Variants in ABL2 observed in about 807,000 individuals in gnomAD.
ABL2 encodes tyrosine-protein kinase ABL2.
Under a neutral mutation model 107.7 loss-of-function variants are expected in ABL2, and 49 were observed. That is an observed-to-expected ratio of 0.45 (90% CI 0.36 to 0.58). The LOEUF (loss-of-function observed/expected upper bound fraction) is 0.58. Among genes scored for constraint, ABL2 ranks in the 20% least tolerant of loss-of-function variants. The probability of loss-of-function intolerance (pLI) is 0.00; values close to 1 mark genes in which losing one functional copy is unlikely to be tolerated. For synonymous variants in ABL2, 549 were observed against 548.6 expected (o/e 1.00, Z -0.01); for missense variants, 1,245 against 1,457.0 (o/e 0.85, Z 2.37).
At chr1:179,131,723 C>T (rs574417584) in intron 2 of ABL2, among the ~76,000 whole-genome samples, 32 of 152,142 alleles carry the variant, frequency 2.1e-4, no homozygotes, top group Non-Finnish European at 4.1e-4. Flanking sequence ...AGAGTTTAGC[C>T]GTGATTTATA....
intron 1 of ABL2, among the ~76,000 whole-genome samples, chr1:179,147,553 T>C (rs1241140814): frequency 6.6e-6 from 1 of 152,226 alleles, no homozygotes; most frequent in Non-Finnish European, 1.5e-5. Flanking sequence ...AATAAAATCA[T>C]GTATTTTGCA....
rs956946167 is a variant in ABL2, at chr1:179,113,792, G to A, written c.1561+1086C>T. Among the ~76,000 whole-genome samples the A allele has an allele frequency of 5.3e-5, 8 of 152,282 alleles. No homozygotes were observed. The East Asian group carries it at 5.8e-4, about 11-fold the overall frequency. On this transcript the variant is annotated intron_variant, in intron 9 of 11. Transcript: ENST00000502732. ...AAAATGCAAAAAAAATTAGCCGGGCGTGGTGGCGGCCGGCGCCTATAGTCC... is the reference window on the plus strand; with the variant it reads ...AAAATGCAAAAAAAATTAGCCGGGCATGGTGGCGGCCGGCGCCTATAGTCC...
intron 1 of ABL2, among the ~76,000 whole-genome samples, chr1:179,135,147 G>T (rs1248866780): frequency 6.6e-6 from 1 of 152,058 alleles, no homozygotes; most frequent in South Asian, 2.1e-4. Context: ...CTGCCCGGCC[G>T]CCACCCCGTC....
chr1:179,120,318 A>C lies in ABL2; in HGVS notation c.961-44T>G, dbSNP rs375834098. 14 of 1,243,130 alleles carry C rather than the reference A, an allele frequency of 1.1e-5. No homozygotes were observed. In the African/African-American group the frequency reaches 2.0e-4, roughly 17 times the overall value. 77.0% of individuals were successfully genotyped at this position (1,243,130 alleles called of 1,614,324 possible). A position where few individuals can be genotyped will look rare whatever the true frequency, so the allele number is the denominator to read the frequency against. On this transcript the variant is annotated intron_variant, in intron 5 of 11. Transcript: ENST00000502732. ...AAGAAAGAAGAAAACGAGAGGGACA[A>C]ACCCTCAACTTAAAATCATTTCATT...
At chr1:179,214,844 T>G (rs1222961737) in intron 1 of ABL2, among the ~76,000 whole-genome samples, 1 of 151,952 alleles carries the variant, frequency 6.6e-6, no homozygotes, top group Non-Finnish European at 1.5e-5. Flanking sequence ...TAGAAAGACC[T>G]TCCAGATAAA....
At chr1:179,121,454 G>A (rs1655188532) in intron 5 of ABL2, 141 bp downstream of exon 5, 11 of 1,122,298 alleles carry the variant, frequency 9.8e-6, no homozygotes, top group Middle Eastern at 2.0e-4. Context: ...TGGCACTAGG[G>A]TTAATCATCT....
chr1:179,109,479 G>T, intron 11 of ABL2, 38 bp from the exon 12 acceptor site: 1 of 1,566,966 alleles, frequency 6.4e-7, no homozygotes, highest in South Asian at 1.2e-5. Context: ...TAAAAGACAA[G>T]AAGTGAATCT....
intron 1 of ABL2, among the ~76,000 whole-genome samples, chr1:179,159,220 C>T (rs151030951): frequency 1.3e-5 from 2 of 152,288 alleles, no homozygotes; most frequent in Non-Finnish European, 2.9e-5. Context: ...GCTGTAAGTA[C>T]AGATAACCTC....
intron 1 of ABL2, among the ~76,000 whole-genome samples, chr1:179,225,620 A>G (rs1190673601): frequency 6.6e-6 from 1 of 152,224 alleles, no homozygotes; most frequent in Non-Finnish European, 1.5e-5. Flanking sequence ...GTAAGGGGCA[A>G]AAAGAAGGTG....
intron 1 of ABL2, among the ~76,000 whole-genome samples, chr1:179,169,633 G>A (rs1659602351): frequency 6.6e-6 from 1 of 151,822 alleles, no homozygotes; most frequent in African/African-American, 2.4e-5. Context: ...AATAACCTGA[G>A]GTAGTTCTTG....
At chr1:179,188,867 A>G (rs974299231) in intron 1 of ABL2, among the ~76,000 whole-genome samples, 2 of 152,242 alleles carry the variant, frequency 1.3e-5, no homozygotes, top group Admixed American at 6.5e-5. Context: ...TGTTAAAAGT[A>G]TATTTAAACT....
intron 1 of ABL2, among the ~76,000 whole-genome samples, chr1:179,191,458 T>C (rs1253106212): frequency 6.8e-6 from 1 of 148,136 alleles, no homozygotes; most frequent in Non-Finnish European, 1.5e-5. Context: ...TTCGCTCTTA[T>C]TGCCCAGGCT....
In ABL2 at chr1:179,101,723, G is replaced by C. The variant is rs564406358; in HGVS notation, c.*5995C>G. On this transcript the variant is annotated 3_prime_UTR_variant, in exon 12 of 12. Coordinates refer to ENST00000502732, the MANE Select transcript of ABL2 (RefSeq NM_007314.4). Reference sequence around the variant, plus strand: ...GATAGAATACATACCTCAGAGAGGTGGCATGAAAAGCAGAAATTCATCCGT... The same window carrying C: ...GATAGAATACATACCTCAGAGAGGTCGCATGAAAAGCAGAAATTCATCCGT... 1.7e-4 allele frequency: 32 copies of C among 184,052 alleles called. No homozygotes were observed. Among genetic ancestry groups the C allele is most frequent in the Middle Eastern group, 2.0e-3 (1 of 504 alleles). 11.4% of individuals were successfully genotyped at this position (184,052 alleles called of 1,614,324 possible).
At position 179,106,297 on chromosome 1, in the gene ABL2, G is replaced by A. The variant is rs975509060; in HGVS notation, c.*1421C>T. ...GCTTCCACAATTATAACTAAGGAAG[G>A]AAGGAAAAGGCCTATTTTTCAAGGG... On this transcript the variant is annotated 3_prime_UTR_variant, in exon 12 of 12. Transcript: ENST00000502732. 4.4e-6 allele frequency: 1 copy of A among 229,102 alleles called. No homozygotes were observed. The highest frequency in any genetic ancestry group is 8.7e-6 in the Non-Finnish European group (1 of 115,586). 14.2% of individuals were successfully genotyped at this position (229,102 alleles called of 1,614,324 possible).
At chr1:179,116,772 A>C (rs189191723) in intron 8 of ABL2, 1 of 153,718 alleles carries the variant, frequency 6.5e-6, no homozygotes, top group Non-Finnish European at 1.4e-5. Context: ...GGCCTCCCAA[A>C]GTGCTGGGAT....
intron 1 of ABL2, among the ~76,000 whole-genome samples, chr1:179,181,585 CTA>C (rs2102798767): frequency 6.6e-6 from 1 of 152,170 alleles, no homozygotes; most frequent in East Asian, 1.9e-4. Context: ...AAGCAAAGAG[CTA>C]AATGTAACCC....
chr1:179,211,476 C>T (rs1400256238), intron 1 of ABL2, among the ~76,000 whole-genome samples: 1 of 151,848 alleles, frequency 6.6e-6, no homozygotes, highest in African/African-American at 2.4e-5. Flanking sequence ...GAGCCTGTAC[C>T]ACCGCACTTC....
intron 1 of ABL2, among the ~76,000 whole-genome samples, chr1:179,138,543 A>G (rs1657255392): frequency 6.6e-6 from 1 of 152,228 alleles, no homozygotes; most frequent in South Asian, 2.1e-4. Context: ...ATGCAAAACT[A>G]TCATCCATCC....
At chr1:179,135,897 C>CG (rs1489470709) in intron 1 of ABL2, among the ~76,000 whole-genome samples, 1 of 146,002 alleles carries the variant, frequency 6.8e-6, no homozygotes, top group African/African-American at 2.5e-5. Context: ...TGCCCGGCCG[C>CG]CCCTACTGGG....
Sources: allele counts gnomAD v4.1 joint callset (sites outside exome capture counted in the v4.1 genomes callset), GRCh38; gene constraint gnomAD v4.1.1; transcripts MANE v1.5; gene names NCBI Gene and HGNC (gene_info 2026-07-23, HGNC 2026-07-21).